GLYATL2: variants seen among roughly 807,000 people sequenced by gnomAD.
GLYATL2 encodes the protein glycine-N-acyltransferase like 2.
In GLYATL2, 25 loss-of-function variants were observed where a neutral mutation model predicts 21.4. The observed-to-expected ratio is 1.17, with a 90% CI of 0.85 to 1.63. The LOEUF (loss-of-function observed/expected upper bound fraction) is 1.63. Among genes scored for constraint, GLYATL2 ranks in the 40% most tolerant of loss-of-function variants. The probability of loss-of-function intolerance (pLI) is 0.00; values close to 1 mark genes in which losing one functional copy is unlikely to be tolerated. For missense variants in GLYATL2, 361 were observed against 343.3 expected, an observed-to-expected ratio of 1.05 and a Z score of -0.41; for synonymous variants, 114 against 118.2, an observed-to-expected ratio of 0.96 and a Z score of 0.23.
intron 1 of GLYATL2, among the ~76,000 whole-genome samples, chr11:58,901,866 T>G (rs1295597815): frequency 1.3e-5 from 2 of 152,114 alleles, no homozygotes; most frequent in Non-Finnish European, 2.9e-5. Context: ...TACCCCCCAT[T>G]CATCTCCGAG....
chr11:58,899,765 A>T (rs1854702729), intron 1 of GLYATL2, among the ~76,000 whole-genome samples: 1 of 152,258 alleles, frequency 6.6e-6, no homozygotes, highest in Non-Finnish European at 1.5e-5. Flanking sequence ...TCATCTAAAA[A>T]ATAAGAAATT....
intron 1 of GLYATL2, among the ~76,000 whole-genome samples, chr11:58,889,667 A>G (rs1478988345): frequency 6.6e-6 from 1 of 151,848 alleles, no homozygotes; most frequent in Non-Finnish European, 1.5e-5. Context: ...TTAATTTATT[A>G]CACTAAAAGA....
the GLYATL2 span, among the ~76,000 whole-genome samples, chr11:58,909,622 T>A: frequency 6.6e-6 from 1 of 152,190 alleles, no homozygotes; most frequent in East Asian, 1.9e-4. Flanking sequence ...AATAAAGTCA[T>A]GTACACGTGA....
intron 5 of GLYATL2, 79 bp from the exon 6 acceptor site, chr11:58,834,916 T>C: frequency 9.2e-7 from 1 of 1,081,694 alleles, no homozygotes; most frequent in Non-Finnish European, 1.3e-6. Context: ...TATAACACCA[T>C]TCCTTTCCTT....
upstream of GLYATL2, chr11:58,905,747 T>TGGG: frequency 3.8e-4 from 2 of 5,290 alleles, 1 homozygote; most frequent in Non-Finnish European, 7.3e-4. Flanking sequence ...ATAGGGAGGG[T>TGGG]GGGCGGGTGG....
intron 1 of GLYATL2, among the ~76,000 whole-genome samples, chr11:58,900,723 A>G (rs1218749542): frequency 1.3e-5 from 2 of 150,534 alleles, no homozygotes; most frequent in Non-Finnish European, 2.9e-5. Context: ...CAGCCAACAC[A>G]TGTCCCAGCA....
chr11:58,900,270 A>G (rs910280133), intron 1 of GLYATL2, among the ~76,000 whole-genome samples: 1 of 152,236 alleles, frequency 6.6e-6, no homozygotes, highest in African/African-American at 2.4e-5. Flanking sequence ...CTGCAAAATA[A>G]GAGACCTTAG....
At chr11:58,899,442 A>G (rs1854694431) in intron 1 of GLYATL2, among the ~76,000 whole-genome samples, 2 of 152,248 alleles carry the variant, frequency 1.3e-5, no homozygotes, top group South Asian at 4.1e-4. Flanking sequence ...CATATTTCCT[A>G]TAAACTCAGG....
intron 1 of GLYATL2, among the ~76,000 whole-genome samples, chr11:58,881,355 C>A (rs1554979046): frequency 6.6e-6 from 1 of 152,184 alleles, no homozygotes; most frequent in Non-Finnish European, 1.5e-5. Flanking sequence ...TGATGATAAC[C>A]TTCTCCAAGT....
intron 1 of GLYATL2, among the ~76,000 whole-genome samples, chr11:58,881,614 T>C (rs1460196396): frequency 3.3e-5 from 5 of 152,166 alleles, no homozygotes; most frequent in Non-Finnish European, 7.3e-5. Context: ...ATACTTTAAG[T>C]TGTAGGGAAC....
intron 1 of GLYATL2, among the ~76,000 whole-genome samples, chr11:58,891,414 T>A (rs1352454930): frequency 2.0e-5 from 3 of 152,210 alleles, no homozygotes; most frequent in Non-Finnish European, 4.4e-5. Flanking sequence ...TTCTATTTTG[T>A]GGGCTTCTGG....
intron 1 of GLYATL2, among the ~76,000 whole-genome samples, chr11:58,861,433 T>C (rs1853929390): frequency 6.6e-6 from 1 of 152,012 alleles, no homozygotes; most frequent in Non-Finnish European, 1.5e-5. Flanking sequence ...CTCCTTTTTA[T>C]GTATGATTTT....
chr11:58,905,480 C>T (rs769094187), upstream of GLYATL2: 1 of 456,278 alleles, frequency 2.2e-6, no homozygotes, highest in Non-Finnish European at 4.4e-6. Flanking sequence ...CGGGCTATTC[C>T]CCTTGCAGCT....
chr11:58,840,881 A>AAAAT (rs1206864974), intron 1 of GLYATL2: 2 of 150,476 alleles, frequency 1.3e-5, no homozygotes, highest in African/African-American at 4.9e-5. Flanking sequence ...AAAATAAAAT[A>AAAAT]AAAATTAAAA....
chr11:58,888,658 T>A (rs544693341), intron 1 of GLYATL2, among the ~76,000 whole-genome samples: 1 of 152,056 alleles, frequency 6.6e-6, no homozygotes, highest in South Asian at 2.1e-4. Context: ...TCTTTTCTCA[T>A]GCTATTTCAT....
intron 1 of GLYATL2, among the ~76,000 whole-genome samples, chr11:58,873,603 T>A (rs1489663806): frequency 2.6e-5 from 4 of 152,356 alleles, no homozygotes; most frequent in East Asian, 1.9e-4. Context: ...GATTTGAGTA[T>A]GTTGAACCAG....
chr11:58,895,511 C>T (rs888728209), intron 1 of GLYATL2, among the ~76,000 whole-genome samples: 1 of 152,150 alleles, frequency 6.6e-6, no homozygotes, highest in Non-Finnish European at 1.5e-5. Flanking sequence ...TTCCTCTTTT[C>T]TCAGCTTGTT....
chr11:58,861,619 G>T (rs1476924947), intron 1 of GLYATL2, among the ~76,000 whole-genome samples: 2 of 150,710 alleles, frequency 1.3e-5, no homozygotes, highest in Admixed American at 6.6e-5. Context: ...GGCTTAGTTT[G>T]TTCTTTTTAT....
intron 1 of GLYATL2, chr11:58,892,450 C>T (rs1220809011): frequency 6.4e-6 from 1 of 156,346 alleles, no homozygotes; most frequent in African/African-American, 2.4e-5. Flanking sequence ...CAACTAATAC[C>T]ATTAGCAATA....
Sources: allele counts gnomAD v4.1 joint callset (sites outside exome capture counted in the v4.1 genomes callset), GRCh38; gene constraint gnomAD v4.1.1; transcripts MANE v1.5; gene names NCBI Gene and HGNC (gene_info 2026-07-23, HGNC 2026-07-21).